KDM2A: variants seen among roughly 807,000 people sequenced by gnomAD.
KDM2A encodes the protein lysine demethylase 2A, also known as lysine-specific demethylase 2A.
In KDM2A, 3 loss-of-function variants were observed where a neutral mutation model predicts 137.3. The observed-to-expected ratio is 0.02, with a 90% CI of 0.01 to 0.06. The LOEUF (loss-of-function observed/expected upper bound fraction) is 0.06. Ranked by LOEUF, KDM2A falls within the 10% of genes least tolerant of loss-of-function variation. The probability of loss-of-function intolerance (pLI) is 1.00; values close to 1 mark genes in which losing one functional copy is unlikely to be tolerated. For synonymous variants in KDM2A, 512 were observed against 541.5 expected, an observed-to-expected ratio of 0.95 and a Z score of 0.76; for missense variants, 738 against 1,510.6, an observed-to-expected ratio of 0.49 and a Z score of 8.48.
rs998393969 is a variant in KDM2A, at chr11:67,245,074, C to T, written c.1564-115C>T. The T allele has an allele frequency of 1.9e-6, 2 of 1,070,758 alleles. No individual in the cohort carries two copies. The highest frequency in any genetic ancestry group is 2.7e-6 in the Non-Finnish European group (2 of 735,876). The allele number at this position is 1,070,758 out of a possible 1,614,324, so 66.3% of individuals were successfully genotyped here. On this transcript the variant is annotated intron_variant, in intron 13 of 20. Transcript: ENST00000529006. This position sits in a 1 kb window ranked among gnomAD's most constrained non-coding sequence, Gnocchi z 4.1. The stretch of plus-strand genomic sequence containing the variant: ...ATTTATTCTAGAAACAAGCAGTGGG[C>T]AGATCTGGCCATAGTGGGCCAAGCC...
chr11:67,215,400 G>C lies in KDM2A; in HGVS notation c.547G>C (p.Glu183Gln), dbSNP rs1402155438. The C allele has an allele frequency of 5.0e-6, 8 of 1,613,800 alleles. No homozygotes were observed. Among genetic ancestry groups the C allele is most frequent in the Non-Finnish European group, 6.8e-6 (8 of 1,179,770 alleles). ...AAGGCACTTGAAGGAAAGCCAGACT[G>C]AATCAACAAATGCCATCTTGGAGAT... ...WPRHLKESQT[E>Q]STNAILEMQY... is the part of the protein sequence containing the mutation. The change falls in exon 7 of 21, where the codon GAA (glutamate) becomes CAA (glutamine). Residue 183 changes from glutamate to glutamine, a missense_variant. This residue lies in a region of KDM2A where 43 missense variants were observed against 254.6 expected (regional missense o/e 0.17). Transcript: ENST00000529006.
At chr11:67,151,967 G>A (rs962120208) in intron 2 of KDM2A, among the ~76,000 whole-genome samples, 2 of 151,964 alleles carry the variant, frequency 1.3e-5, no homozygotes, top group South Asian at 2.1e-4. Flanking sequence ...GCCTGAAATG[G>A]CATTATTGAT....
chr11:67,177,033 G>A (rs780721896), intron 2 of KDM2A, among the ~76,000 whole-genome samples: 52 of 152,206 alleles, frequency 3.4e-4, no homozygotes, highest in Middle Eastern at 6.8e-3. Context: ...TGAGGTGGGC[G>A]GATCACCTGA....
At position 67,228,699 on chromosome 11, in the gene KDM2A, AAAAAG is replaced by A. The variant is rs1200669749; in HGVS notation, c.1084+540_1084+544del. Among the ~76,000 whole-genome samples the A allele has an allele frequency of 2.7e-4, 40 of 148,972 alleles. 1 individual carries two copies. In the Middle Eastern group the frequency reaches 0.014, roughly 51 times the overall value. On this transcript the variant is annotated intron_variant, in intron 11 of 20. Coordinates refer to ENST00000529006, the MANE Select transcript of KDM2A (RefSeq NM_012308.3). ...AAACCCTGTTGCGAAAAAAAAAAAA[AAAAAG>A]AAAGAAAGAACGATGATCAGTTGTC...
At chr11:67,167,299 G>A (rs1590741439) in intron 2 of KDM2A, among the ~76,000 whole-genome samples, 1 of 152,264 alleles carries the variant, frequency 6.6e-6, no homozygotes, top group East Asian at 1.9e-4. Flanking sequence ...GAGTTGTGAT[G>A]ATATCATAGT....
intron 2 of KDM2A, among the ~76,000 whole-genome samples, chr11:67,123,246 G>T (rs1855639677): frequency 6.8e-6 from 1 of 147,146 alleles, no homozygotes; most frequent in Non-Finnish European, 1.5e-5. Flanking sequence ...AAAGTGCTGG[G>T]ATTAACAAGC....
At chr11:67,144,234 T>C (rs1261466584) in intron 2 of KDM2A, among the ~76,000 whole-genome samples, 2 of 151,434 alleles carry the variant, frequency 1.3e-5, no homozygotes, top group East Asian at 1.9e-4. Flanking sequence ...CCATTGTACC[T>C]GGCCCTTGGC....
intron 17 of KDM2A, among the ~76,000 whole-genome samples, chr11:67,251,976 C>T (rs1373405649): frequency 5.3e-5 from 8 of 152,178 alleles, no homozygotes; most frequent in Non-Finnish European, 1.0e-4. Flanking sequence ...CCCTGCCAAC[C>T]AGGCTGGGGG....
chr11:67,250,057 G>A lies in KDM2A; in HGVS notation c.2056-29G>A, dbSNP rs1282385829. Reference sequence around the variant, plus strand: ...GAGGGTTTGGAAGAAAGGAAGCACTGATGTTGCTTTTCTGGGCCTGTTTTG... The same window carrying A: ...GAGGGTTTGGAAGAAAGGAAGCACTAATGTTGCTTTTCTGGGCCTGTTTTG... On this transcript the variant is annotated intron_variant, in intron 16 of 20. Coordinates refer to ENST00000529006, the MANE Select transcript of KDM2A (RefSeq NM_012308.3). This position sits in a 1 kb window ranked among gnomAD's most constrained non-coding sequence, Gnocchi z 7.1. 2 of 1,530,018 alleles carry A rather than the reference G, an allele frequency of 1.3e-6. No homozygotes were observed. The highest frequency in any genetic ancestry group is 1.4e-5 in the African/African-American group (1 of 72,786). 94.8% of individuals were successfully genotyped at this position (1,530,018 alleles called of 1,614,324 possible).
rs1464666899 is a variant in KDM2A at position 67,256,932 on chromosome 11, A to G, written c.*1877A>G. 11 of 152,640 alleles carry G rather than the reference A, an allele frequency of 7.2e-5. No homozygotes were observed. Among genetic ancestry groups the G allele is most frequent in the Admixed American group, 7.2e-4 (11 of 15,286 alleles). The allele number at this position is 152,640 out of a possible 1,614,324, so 9.5% of individuals were successfully genotyped here. On this transcript the variant is annotated 3_prime_UTR_variant, in exon 21 of 21. Transcript: ENST00000529006. Reference sequence around the variant, plus strand: ...ATAATCTGGGGTTGAAACTTTGAGGAAATGCCAGTGACTTATTCCAGAGTG... The same window carrying G: ...ATAATCTGGGGTTGAAACTTTGAGGGAATGCCAGTGACTTATTCCAGAGTG...
intron 5 of KDM2A, among the ~76,000 whole-genome samples, chr11:67,201,267 CAT>C (rs1272522183): frequency 7.9e-5 from 12 of 151,150 alleles, no homozygotes; most frequent in African/African-American, 2.2e-4. Flanking sequence ...CTATAGCTGA[CAT>C]AGTGATTCTG....
intron 3 of KDM2A, 142 bp downstream of exon 3, chr11:67,180,359 T>C (rs1299340206): frequency 5.3e-6 from 4 of 758,094 alleles, no homozygotes; most frequent in Non-Finnish European, 8.0e-6. Context: ...ACAATGCCAT[T>C]TGCATGCACT....
At chr11:67,134,832 A>G (rs773678613) in intron 2 of KDM2A, among the ~76,000 whole-genome samples, 2 of 152,104 alleles carry the variant, frequency 1.3e-5, no homozygotes, top group African/African-American at 2.4e-5. Context: ...CTAACACAAA[A>G]CATCTCAAAA....
intron 11 of KDM2A, 56 bp downstream of exon 11, chr11:67,228,219 C>T (rs980959135): frequency 3.8e-6 from 6 of 1,565,734 alleles, no homozygotes; most frequent in Non-Finnish European, 5.3e-6. Flanking sequence ...GAGGGTGAGG[C>T]CCGAAATACT....
At chr11:67,147,272 G>A (rs1856274187) in intron 2 of KDM2A, among the ~76,000 whole-genome samples, 1 of 152,142 alleles carries the variant, frequency 6.6e-6, no homozygotes, top group Non-Finnish European at 1.5e-5. Context: ...GCCGGGTGCG[G>A]TGGCTCAAGC....
chr11:67,209,565 T>A lies in KDM2A; in HGVS notation c.486+1877T>A, dbSNP rs137908828. On this transcript the variant is annotated intron_variant, in intron 6 of 20. Transcript: ENST00000529006. ...TTCAAGCAATTCTCCCACCTCAGCC[T>A]CTCAAATAGCTGGGATTACAGGGAC... Among the ~76,000 whole-genome samples, 910 of 151,934 alleles carry A rather than the reference T, an allele frequency of 6.0e-3. 34 individuals are homozygous for A. The highest frequency in any genetic ancestry group is 1.5e-3 in the Non-Finnish European group (100 of 67,960).
At position 67,180,203 on chromosome 11, in the gene KDM2A, T is replaced by C; in HGVS notation, c.167T>C (p.Phe56Ser). ...TNKYNANFVT[F>S]MEGKDFNVEY... ...AAATATAATGCCAATTTTGTTACTT[T>C]TATGGAAGGAAAAGGTCAGTATTGT... The change falls in exon 3 of 21, where the codon TTT (phenylalanine) becomes TCT (serine). Residue 56 changes from phenylalanine to serine, a missense_variant. Phe to Ser is a radical substitution (Grantham distance 155, BLOSUM62 -2). Around this residue, in one of 9 missense-constraint regions of KDM2A, gnomAD observed 74 missense variants for 181.8 expected, o/e 0.41. Coordinates refer to ENST00000529006, the MANE Select transcript of KDM2A (RefSeq NM_012308.3). 1 of 1,613,754 alleles carries C rather than the reference T, an allele frequency of 6.2e-7. No homozygotes were observed. Among genetic ancestry groups the C allele is most frequent in the Non-Finnish European group, 8.5e-7 (1 of 1,179,780 alleles).
chr11:67,245,571 ACT>A lies in KDM2A; in HGVS notation c.1833+118_1833+119del. The A allele has an allele frequency of 8.3e-7, 1 of 1,209,532 alleles. No individual in the cohort carries two copies. Among genetic ancestry groups the A allele is most frequent in the Non-Finnish European group, 1.1e-6 (1 of 872,156 alleles). The allele number at this position is 1,209,532 out of a possible 1,614,324, so 74.9% of individuals were successfully genotyped here. ...TCAGAGTTGGAAAGAAAAGGTTTAT[ACT>A]CTCTTTTTGGCTTTATTTTGTACCT... On this transcript the variant is annotated intron_variant, in intron 14 of 20. Coordinates refer to ENST00000529006, the MANE Select transcript of KDM2A (RefSeq NM_012308.3). This position sits in a 1 kb window ranked among gnomAD's most constrained non-coding sequence, Gnocchi z 4.1.
In KDM2A at chr11:67,257,818, T is replaced by C. The variant is rs1227022039; in HGVS notation, c.*2763T>C. ...GGGGATAAGTCTTATGCTATCTCAGTTGACACATTGAGGTTATTTTGGGCC... is the reference window on the plus strand; with the variant it reads ...GGGGATAAGTCTTATGCTATCTCAGCTGACACATTGAGGTTATTTTGGGCC... On this transcript the variant is annotated 3_prime_UTR_variant, in exon 21 of 21. Coordinates refer to ENST00000529006, the MANE Select transcript of KDM2A (RefSeq NM_012308.3). 1.3e-5 allele frequency: 2 copies of C among 152,186 alleles called. No homozygotes were observed. The highest frequency in any genetic ancestry group is 6.5e-5 in the Admixed American group (1 of 15,284). The allele number at this position is 152,186 out of a possible 1,614,324, so 9.4% of individuals were successfully genotyped here.
Sources: allele counts gnomAD v4.1 joint callset (sites outside exome capture counted in the v4.1 genomes callset), GRCh38; gene constraint gnomAD v4.1.1; regional missense constraint gnomAD v4.1.1; non-coding constraint Gnocchi (gnomAD v3.1); transcripts MANE v1.5; gene names NCBI Gene and HGNC (gene_info 2026-07-23, HGNC 2026-07-21).